Variants in FBXL20 observed in about 807,000 individuals in gnomAD.
FBXL20 encodes F-box/LRR-repeat protein 20.
FBXL20 carries 11 observed loss-of-function variants against 64.0 expected under a neutral mutation model. The observed-to-expected ratio is 0.17, with a 90% CI of 0.11 to 0.28. The LOEUF (loss-of-function observed/expected upper bound fraction) is 0.28. Among genes scored for constraint, FBXL20 ranks in the 10% least tolerant of loss-of-function variants. The probability of loss-of-function intolerance (pLI) is 1.00; values close to 1 mark genes in which losing one functional copy is unlikely to be tolerated. For missense variants in FBXL20, 303 were observed against 526.2 expected (o/e 0.58, Z 4.15); for synonymous variants, 184 against 189.0 (o/e 0.97, Z 0.22).
chr17:39,295,412 C>T (rs2047075326), intron 6 of FBXL20, among the ~76,000 whole-genome samples: 2 of 152,032 alleles, frequency 1.3e-5, no homozygotes, highest in Admixed American at 1.3e-4. Flanking sequence ...GATGTGCCAC[C>T]ATGCCTGGCT....
chr17:39,294,803 G>C (rs78345828), intron 6 of FBXL20, among the ~76,000 whole-genome samples: 5,483 of 152,120 alleles, frequency 0.036, 168 homozygotes, highest in African/African-American at 0.083. Context: ...CCTGAGGTCA[G>C]GAGATCCTGA....
chr17:39,365,027 A>G (rs2047845494), intron 1 of FBXL20, among the ~76,000 whole-genome samples: 1 of 152,216 alleles, frequency 6.6e-6, no homozygotes, highest in Non-Finnish European at 1.5e-5. Flanking sequence ...AGATTAAGAA[A>G]TTTAAAAAAA....
rs946858914 is a variant in FBXL20, at chr17:39,391,331, A to C, written c.42+10030T>G. Among the ~76,000 whole-genome samples the C allele has an allele frequency of 2.6e-5, 4 of 152,214 alleles. No individual in the cohort carries two copies. In the East Asian group the frequency reaches 7.7e-4, roughly 29 times the overall value. On this transcript the variant is annotated intron_variant, in intron 1 of 14. Transcript: ENST00000264658. ...AGCAGTATATAGGATAATATTACAAAGTCTAACTGGCTTTTCTTTAATAGC... is the reference window on the plus strand; with the variant it reads ...AGCAGTATATAGGATAATATTACAACGTCTAACTGGCTTTTCTTTAATAGC...
intron 1 of FBXL20, among the ~76,000 whole-genome samples, chr17:39,344,825 T>C (rs763422263): frequency 1.3e-5 from 2 of 152,144 alleles, no homozygotes; most frequent in Non-Finnish European, 2.9e-5. Flanking sequence ...AAATATTCTC[T>C]TTCATGTTTA....
At chr17:39,275,536 TG>T (rs1159892457) in intron 9 of FBXL20, among the ~76,000 whole-genome samples, 4 of 151,966 alleles carry the variant, frequency 2.6e-5, no homozygotes, top group Non-Finnish European at 5.9e-5. Flanking sequence ...CTCAGCCTCC[TG>T]ACTAGCTGGG....
At chr17:39,327,696 T>TTTTTG (rs1276352829) in intron 2 of FBXL20, among the ~76,000 whole-genome samples, 6 of 152,108 alleles carry the variant, frequency 3.9e-5, no homozygotes, top group African/African-American at 1.2e-4. Context: ...ATGTATTTCT[T>TTTTTG]TTTTGTTTTG....
intron 6 of FBXL20, among the ~76,000 whole-genome samples, chr17:39,291,422 A>C (rs536920261): frequency 1.4e-5 from 2 of 147,288 alleles, no homozygotes; most frequent in African/African-American, 5.0e-5. Context: ...TCTTGATTTT[A>C]AAACTTTTCT....
rs1404484662 is a variant in FBXL20 at position 39,272,665 on chromosome 17, G to A, written c.828-1809C>T. 3.0e-5 allele frequency among the ~76,000 whole-genome samples: 4 copies of A among 131,892 alleles called. No homozygotes were observed. In the East Asian group the frequency reaches 9.0e-4, roughly 30 times the overall value. 86.5% of individuals were successfully genotyped at this position (131,892 alleles called of 152,430 possible). A position where few individuals can be genotyped will look rare whatever the true frequency, so the allele number is the denominator to read the frequency against. ...TACAGTGAGCCAAGATCATGCCATTGCACTCCAGCCTGGGCAACAGAGCCA... is the reference window on the plus strand; with the variant it reads ...TACAGTGAGCCAAGATCATGCCATTACACTCCAGCCTGGGCAACAGAGCCA... On this transcript the variant is annotated intron_variant, in intron 10 of 14. Transcript: ENST00000264658.
At chr17:39,330,926 G>A (rs1047798747) in intron 2 of FBXL20, among the ~76,000 whole-genome samples, 3 of 152,174 alleles carry the variant, frequency 2.0e-5, no homozygotes, top group African/African-American at 7.2e-5. Flanking sequence ...TAATTTGCCA[G>A]GCAAGCCTTT....
chr17:39,277,059 A>T (rs1735799009), intron 9 of FBXL20, among the ~76,000 whole-genome samples: 1 of 152,244 alleles, frequency 6.6e-6, no homozygotes, highest in Non-Finnish European at 1.5e-5. Flanking sequence ...TCTCTGTTTA[A>T]TAGTCATGTC....
rs184812318 is a variant in FBXL20, at chr17:39,333,345, C to T, written c.104+9835G>A. On this transcript the variant is annotated intron_variant, in intron 2 of 14. Coordinates refer to ENST00000264658, the MANE Select transcript of FBXL20 (RefSeq NM_032875.3). Reference sequence around the variant, plus strand: ...ATTTTTTGGTGGAGACGGGGTTTCCCCGTGTTGGCCGGGCTGGTCTCCAGC... The same window carrying T: ...ATTTTTTGGTGGAGACGGGGTTTCCTCGTGTTGGCCGGGCTGGTCTCCAGC... Among the ~76,000 whole-genome samples the T allele has an allele frequency of 4.2e-3, 647 of 152,360 alleles. 1 individual carries two copies. Among genetic ancestry groups the T allele is most frequent in the Non-Finnish European group, 6.8e-3 (466 of 68,032 alleles).
intron 2 of FBXL20, among the ~76,000 whole-genome samples, chr17:39,338,299 T>C (rs936661612): frequency 2.6e-5 from 4 of 152,176 alleles, no homozygotes. Flanking sequence ...GGATTAAGGG[T>C]GGTGCAAGAT....
rs140192972 is a variant in FBXL20, at chr17:39,353,658, C to G, written c.43-10417G>C. Among the ~76,000 whole-genome samples the G allele has an allele frequency of 3.8e-3, 569 of 151,454 alleles. 5 individuals are homozygous for G. The highest frequency in any genetic ancestry group is 0.013 in the African/African-American group (545 of 41,344). On this transcript the variant is annotated intron_variant, in intron 1 of 14. Transcript: ENST00000264658. The stretch of plus-strand genomic sequence containing the variant: ...TATTTATTTGAGACAGAGTCTCACT[C>G]TGTTGCCAGGCTGGAGTGCAGTGGC...
chr17:39,401,744 G>A (rs1275111212), upstream of FBXL20: 5 of 1,080,742 alleles, frequency 4.6e-6, no homozygotes, highest in Non-Finnish European at 5.6e-6. Flanking sequence ...CGGGAGGGGA[G>A]GAGCGCGGCG....
At chr17:39,298,890 T>G (rs1370738684) in intron 5 of FBXL20, 100 bp downstream of exon 5, 2 of 901,872 alleles carry the variant, frequency 2.2e-6, no homozygotes, top group Non-Finnish European at 3.5e-6. Flanking sequence ...TGGTTGCATT[T>G]TTAATAACTT....
At chr17:39,311,020 G>A (rs771244747) in intron 2 of FBXL20, among the ~76,000 whole-genome samples, 2 of 151,392 alleles carry the variant, frequency 1.3e-5, no homozygotes, top group Non-Finnish European at 3.0e-5. Context: ...AAAATCAGCT[G>A]CGCATGGTGG....
Position 39,275,162 on chromosome 17 carries a change from A to G in FBXL20, c.697-62T>C, listed in dbSNP as rs1375486897. The G allele has an allele frequency of 3.3e-6, 5 of 1,502,876 alleles. No homozygotes were observed. In the South Asian group the frequency reaches 3.8e-5, roughly 11 times the overall value. The allele number at this position is 1,502,876 out of a possible 1,614,324, so 93.1% of individuals were successfully genotyped here. Reference sequence around the variant, plus strand: ...TATCTTAGCAAAACAAAAAAAGAAAAAAATGATAGCTCTGTGAAAATAATC... The same window carrying G: ...TATCTTAGCAAAACAAAAAAAGAAAGAAATGATAGCTCTGTGAAAATAATC... On this transcript the variant is annotated intron_variant, in intron 9 of 14. Coordinates refer to ENST00000264658, the MANE Select transcript of FBXL20 (RefSeq NM_032875.3).
rs2047180413 is a variant in FBXL20, at chr17:39,306,151, G to GTT, written c.105-2514_105-2513dup. On this transcript the variant is annotated intron_variant, in intron 2 of 14. Coordinates refer to ENST00000264658, the MANE Select transcript of FBXL20 (RefSeq NM_032875.3). The stretch of plus-strand genomic sequence containing the variant: ...TACTCCAGCCTGGGTGATAGAGTGA[G>GTT]TTCTTTTTTTTTTTTTTAAGACGGA... Among the ~76,000 whole-genome samples the GTT allele has an allele frequency of 2.5e-5, 3 of 119,686 alleles. No homozygotes were observed. In the South Asian group the frequency reaches 6.7e-4, roughly 27 times the overall value. 78.5% of individuals were successfully genotyped at this position (119,686 alleles called of 152,430 possible).
chr17:39,272,126 C>T (rs1018340621), intron 10 of FBXL20, among the ~76,000 whole-genome samples: 3 of 152,074 alleles, frequency 2.0e-5, no homozygotes, highest in African/African-American at 7.2e-5. Flanking sequence ...GTGACTCACG[C>T]CTGTAATCCC....
Sources: gnomAD v4.1 joint callset for allele counts (sites outside exome capture counted in the v4.1 genomes callset) on GRCh38, gnomAD v4.1.1 for gene constraint, MANE v1.5 for transcripts, NCBI Gene and HGNC (gene_info 2026-07-23, HGNC 2026-07-21) for gene names.